Variants in IL20RA observed in about 807,000 individuals in gnomAD.
IL20RA encodes interleukin 20 receptor subunit alpha.
IL20RA carries 29 observed loss-of-function variants against 36.5 expected under a neutral mutation model. The ratio of observed to expected loss-of-function variants is 0.79; its 90% CI spans 0.59 to 1.08. The LOEUF (loss-of-function observed/expected upper bound fraction) is 1.08, where lower values mean the gene tolerates loss of function less well. Among genes scored for constraint, IL20RA ranks in the 50% least tolerant of loss-of-function variants. The pLI is 0.00. For synonymous variants in IL20RA, 279 were observed against 267.1 expected (o/e 1.04, Z -0.43); for missense variants, 652 against 668.4 (o/e 0.98, Z 0.27).
intron 5 of IL20RA, 132 bp downstream of exon 5, chr6:137,008,467 A>C: frequency 1.2e-6 from 1 of 859,860 alleles, no homozygotes; most frequent in East Asian, 2.7e-5. Flanking sequence ...TTCTGGTGGT[A>C]GTTGTTTCTG....
intron 1 of IL20RA, among the ~76,000 whole-genome samples, chr6:137,029,041 C>T (rs1776186709): frequency 6.6e-6 from 1 of 152,140 alleles, no homozygotes; most frequent in African/African-American, 2.4e-5. Context: ...CAAGCTGTAC[C>T]TGCAACTGAG....
chr6:137,009,208 C>T (rs912242575), intron 4 of IL20RA, 109 bp downstream of exon 4: 2 of 958,172 alleles, frequency 2.1e-6, no homozygotes, highest in Non-Finnish European at 3.4e-6. Flanking sequence ...TTTTGAACAT[C>T]ATGACTTCCC....
Position 137,002,047 on chromosome 6 carries a change from T to C in IL20RA, c.1173A>G (p.Thr391=). 5.6e-6 allele frequency: 9 copies of C among 1,614,216 alleles called. No homozygotes were observed. The highest frequency in any genetic ancestry group is 7.6e-6 in the Non-Finnish European group (9 of 1,180,032). The part of the protein sequence containing the change: ...SLTQQESLSR[T]IPPDKTVIEY... ...CAATGACTGTTTTATCCGGGGGTATTGTTCTGCTGAGGGACTCTTGCTGGG... is the reference window on the plus strand; with the variant it reads ...CAATGACTGTTTTATCCGGGGGTATCGTTCTGCTGAGGGACTCTTGCTGGG... Residue 391 remains threonine, a synonymous_variant, in exon 7 of 7, where the codon ACA becomes ACG. Transcript: ENST00000316649.
chr6:137,038,549 T>C (rs1202182524), intron 1 of IL20RA, among the ~76,000 whole-genome samples: 1 of 152,164 alleles, frequency 6.6e-6, no homozygotes, highest in Non-Finnish European at 1.5e-5. Context: ...ATTAAAGTGA[T>C]TTAATTCATG....
Position 137,002,176 on chromosome 6 carries a change from C to T in IL20RA, c.1044G>A (p.Leu348=), listed in dbSNP as rs758781832. The T allele has an allele frequency of 6.2e-7, 1 of 1,614,048 alleles. No homozygotes were observed. Among genetic ancestry groups the T allele is most frequent in the African/African-American group, 1.3e-5 (1 of 74,918 alleles). ...SLNDPQPSGN[L]RPPQEEEEVK... ...CCTCCTCTTCCTCCTGAGGGGGCCT[C>T]AGGTTCCCGCTGGGCTGAGGATCAT... is the stretch of plus-strand genomic sequence containing the variant. Residue 348 remains leucine (L), a synonymous_variant, in exon 7 of 7, where the codon CTG becomes CTA. Coordinates refer to ENST00000316649, the MANE Select transcript of IL20RA (RefSeq NM_014432.4).
At chr6:137,035,124 T>C (rs1452184067) in intron 1 of IL20RA, among the ~76,000 whole-genome samples, 1 of 152,144 alleles carries the variant, frequency 6.6e-6, no homozygotes, top group Non-Finnish European at 1.5e-5. Context: ...TAAAAAGATC[T>C]AAATTTATAT....
At chr6:137,030,684 T>C (rs1314938996) in intron 1 of IL20RA, among the ~76,000 whole-genome samples, 1 of 152,202 alleles carries the variant, frequency 6.6e-6, no homozygotes, top group African/African-American at 2.4e-5. Flanking sequence ...CAAACATTAT[T>C]TTTGTTGCCT....
At position 137,044,775 on chromosome 6, in the gene IL20RA, T is replaced by A; in HGVS notation, c.-47A>T. Reference sequence around the variant, plus strand: ...TGTCGGGGGGCAGCAGACTGCTCAGTCCCACGCCCGCTGGGGCCAAGCGCG... The same window carrying A: ...TGTCGGGGGGCAGCAGACTGCTCAGACCCACGCCCGCTGGGGCCAAGCGCG... On this transcript the variant is annotated 5_prime_UTR_variant, in exon 1 of 7. Coordinates refer to ENST00000316649, the MANE Select transcript of IL20RA (RefSeq NM_014432.4). 2.5e-6 allele frequency: 3 copies of A among 1,206,700 alleles called. 1 individual carries two copies. The South Asian group carries it at 1.3e-4, about 51-fold the overall frequency. 74.7% of individuals were successfully genotyped at this position (1,206,700 alleles called of 1,614,324 possible).
intron 1 of IL20RA, among the ~76,000 whole-genome samples, chr6:137,019,358 A>C (rs1775821340): frequency 6.6e-6 from 1 of 151,454 alleles, no homozygotes; most frequent in African/African-American, 2.4e-5. Context: ...CCAACTCCTG[A>C]CCTCAGGTGA....
At chr6:137,038,461 C>T (rs1582842628) in intron 1 of IL20RA, among the ~76,000 whole-genome samples, 1 of 151,922 alleles carries the variant, frequency 6.6e-6, no homozygotes, top group Non-Finnish European at 1.5e-5. Context: ...CCTCCCAAAG[C>T]TCTGGGATTA....
At chr6:137,008,430 G>A (rs2115371579) in intron 5 of IL20RA, among the ~76,000 whole-genome samples, 169 bp downstream of exon 5, 1 of 152,336 alleles carries the variant, frequency 6.6e-6, no homozygotes, top group South Asian at 2.1e-4. Context: ...CAAGCTCAAT[G>A]GCAGAGTCCC....
chr6:137,022,570 T>C (rs1562237074), intron 1 of IL20RA, among the ~76,000 whole-genome samples: 1 of 152,248 alleles, frequency 6.6e-6, no homozygotes, highest in Non-Finnish European at 1.5e-5. Context: ...ATTCAACTCA[T>C]ATTTATTGGG....
rs1188809232 is a variant in IL20RA at position 137,030,070 on chromosome 6, G to GTTTTTTTTTTTTTTT, written c.89-12982_89-12968dup. On this transcript the variant is annotated intron_variant, in intron 1 of 6. Transcript: ENST00000316649. ...GGTGGAAAATGTCAGCGGTTTGCGG[G>GTTTTTTTTTTTTTTT]TTTTTTTTTTTTTTTTTTTTTTTTT... 2.2e-4 allele frequency among the ~76,000 whole-genome samples: 14 copies of GTTTTTTTTTTTTTTT among 62,856 alleles called. 6 individuals carry two copies. The highest frequency in any genetic ancestry group is 2.7e-4 in the Non-Finnish European group (10 of 37,204). 41.2% of individuals were successfully genotyped at this position (62,856 alleles called of 152,430 possible).
chr6:137,013,892 C>T (rs954329003), intron 2 of IL20RA, among the ~76,000 whole-genome samples: 3 of 152,206 alleles, frequency 2.0e-5, no homozygotes, highest in Non-Finnish European at 4.4e-5. Context: ...ACTCCAACAT[C>T]GCAAGCTTCT....
chr6:137,000,206 C>T lies in IL20RA; in HGVS notation c.*1352G>A, dbSNP rs948357048. 4 of 152,298 alleles carry T rather than the reference C, an allele frequency of 2.6e-5. No homozygotes were observed. The highest frequency in any genetic ancestry group is 4.4e-5 in the Non-Finnish European group (3 of 68,034). The allele number at this position is 152,298 out of a possible 1,614,324, so 9.4% of individuals were successfully genotyped here. On this transcript the variant is annotated 3_prime_UTR_variant, in exon 7 of 7. Coordinates refer to ENST00000316649, the MANE Select transcript of IL20RA (RefSeq NM_014432.4). ...TCACGAAAGGTCATGACCCCAGAAT[C>T]CATCTCTCCTACCAGGGTTGTCTGC...
intron 1 of IL20RA, chr6:137,044,246 C>T: frequency 1.0e-6 from 1 of 991,238 alleles, no homozygotes; most frequent in Non-Finnish European, 1.2e-6. Context: ...TCCGCGCGGC[C>T]GCGGCGGTGG....
chr6:137,001,605 T>C lies in IL20RA; in HGVS notation c.1615A>G (p.Met539Val). 2 of 1,604,242 alleles carry C rather than the reference T, an allele frequency of 1.2e-6. No individual in the cohort carries two copies. The highest frequency in any genetic ancestry group is 8.5e-7 in the Non-Finnish European group (1 of 1,175,446). Residue 539 changes from methionine to valine, a missense_variant, in exon 7 of 7, where the codon ATG (methionine) becomes GTG (valine). Met to Val is a conservative substitution (Grantham distance 21, BLOSUM62 1). Coordinates refer to ENST00000316649, the MANE Select transcript of IL20RA (RefSeq NM_014432.4). ...RPPGENETYL[M>V]QFMEEWGLYV... ...AACCCCCATTCCTCCATGAATTGCA[T>C]GAGATAGGTTTCATTTTCTCCTGGT...
At chr6:137,004,861 C>A (rs1775223660) in intron 5 of IL20RA, 101 bp from the exon 6 acceptor site, 3 of 1,087,720 alleles carry the variant, frequency 2.8e-6, no homozygotes, top group Non-Finnish European at 3.9e-6. Flanking sequence ...TGCTTCTGTG[C>A]AGATCACTTA....
intron 6 of IL20RA, among the ~76,000 whole-genome samples, chr6:137,003,336 G>A (rs1256533663): frequency 2.0e-5 from 3 of 152,152 alleles, no homozygotes; most frequent in African/African-American, 7.2e-5. Context: ...TCAAGAAAAT[G>A]GTTTTGATTG....
Sources: allele counts gnomAD v4.1 joint callset (sites outside exome capture counted in the v4.1 genomes callset), GRCh38; gene constraint gnomAD v4.1.1; transcripts MANE v1.5; gene names NCBI Gene and HGNC (gene_info 2026-07-23, HGNC 2026-07-21).